The following SIPA1L1 variants were observed in gnomAD, a reference collection of about 807,000 sequenced individuals.
SIPA1L1 encodes the protein signal-induced proliferation-associated 1-like protein 1.
Under a neutral mutation model 162.7 loss-of-function variants are expected in SIPA1L1, and 26 were observed. The observed-to-expected ratio is 0.16, with a 90% CI of 0.12 to 0.22. The LOEUF is 0.22. SIPA1L1 is among the 10% of genes least tolerant of loss of function. SIPA1L1 has a pLI of 1.00. For missense variants in SIPA1L1, 1,874 were observed against 2,241.0 expected (o/e 0.84, Z 3.31); for synonymous variants, 829 against 837.4 (o/e 0.99, Z 0.17).
At chr14:71,522,348 G>C (rs1423509256) in intron 3 of SIPA1L1, among the ~76,000 whole-genome samples, 1 of 152,160 alleles carries the variant, frequency 6.6e-6, no homozygotes, top group African/African-American at 2.4e-5. Context: ...TGGATTCAAG[G>C]ATTGGTGTGT....
At chr14:71,343,443 A>T (rs1246746099) in intron 2 of SIPA1L1, among the ~76,000 whole-genome samples, 1 of 152,170 alleles carries the variant, frequency 6.6e-6, no homozygotes, top group Non-Finnish European at 1.5e-5. Flanking sequence ...AAAATATCTT[A>T]TCAGGAGATG....
chr14:71,511,156 A>T (rs905353493), intron 2 of SIPA1L1, among the ~76,000 whole-genome samples: 2 of 152,208 alleles, frequency 1.3e-5, no homozygotes, highest in Non-Finnish European at 2.9e-5. Context: ...TAAAACTCAC[A>T]GTGTTTCCCA....
intron 10 of SIPA1L1, among the ~76,000 whole-genome samples, chr14:71,668,289 A>AGT (rs1344178633): frequency 6.6e-6 from 1 of 152,142 alleles, no homozygotes; most frequent in East Asian, 1.9e-4. Flanking sequence ...CCTCAGAGGG[A>AGT]GTAAGTGTGG....
intron 10 of SIPA1L1, among the ~76,000 whole-genome samples, chr14:71,665,569 G>A (rs2043925615): frequency 3.3e-5 from 5 of 152,188 alleles, no homozygotes; most frequent in Admixed American, 3.3e-4. Flanking sequence ...GCTGTTAATA[G>A]CGAGTATATA....
rs759084250 is a variant in SIPA1L1, at chr14:71,685,348, C to G, written c.3105-14C>G. ...GTATCCATTGTGTTTCTCCCTGTGCCTTGCCCCTAATAGGAGTTGCTCTGA... is the reference window on the plus strand; with the variant it reads ...GTATCCATTGTGTTTCTCCCTGTGCGTTGCCCCTAATAGGAGTTGCTCTGA... On this transcript the variant is annotated splice_polypyrimidine_tract_variant and intron_variant, in intron 12 of 23. Transcript: ENST00000381232. 11 of 1,613,236 alleles carry G rather than the reference C, an allele frequency of 6.8e-6. No individual in the cohort carries two copies. The highest frequency in any genetic ancestry group is 5.0e-5 in the Admixed American group (3 of 59,988).
chr14:71,393,131 A>G (rs117543783), intron 2 of SIPA1L1, among the ~76,000 whole-genome samples: 1,665 of 152,334 alleles, frequency 0.011, 16 homozygotes, highest in East Asian at 0.021. Context: ...AAATATTCCA[A>G]TAGGATATCG....
At chr14:71,441,022 A>G (rs572593756) in intron 2 of SIPA1L1, among the ~76,000 whole-genome samples, 3 of 152,322 alleles carry the variant, frequency 2.0e-5, no homozygotes, top group South Asian at 4.1e-4. Flanking sequence ...GATTCAGTGT[A>G]AAAAAACAAA....
chr14:71,481,546 G>GGC (rs772496682), intron 2 of SIPA1L1, among the ~76,000 whole-genome samples: 9 of 151,890 alleles, frequency 5.9e-5, no homozygotes, highest in Middle Eastern at 3.2e-3. Context: ...AAAAAAGAGA[G>GGC]GCTAATGATT....
chr14:71,385,009 G>C (rs1195260434), intron 2 of SIPA1L1, among the ~76,000 whole-genome samples: 1 of 152,190 alleles, frequency 6.6e-6, no homozygotes, highest in Admixed American at 6.5e-5. Context: ...AAGGACTCTT[G>C]TAATAAAGGA....
chr14:71,341,375 A>T (rs1304256585), intron 2 of SIPA1L1, among the ~76,000 whole-genome samples: 2 of 152,170 alleles, frequency 1.3e-5, no homozygotes, highest in Non-Finnish European at 2.9e-5. Context: ...TGCAATTGTC[A>T]TCTTGTCCTT....
At chr14:71,354,377 A>C (rs2037030346) in intron 2 of SIPA1L1, among the ~76,000 whole-genome samples, 1 of 150,708 alleles carries the variant, frequency 6.6e-6, no homozygotes, top group Non-Finnish European at 1.5e-5. Context: ...TCCCAGGTTC[A>C]AGTGATTTTC....
intron 2 of SIPA1L1, among the ~76,000 whole-genome samples, chr14:71,412,676 A>G (rs925871899): frequency 2.4e-4 from 36 of 152,140 alleles, no homozygotes; most frequent in African/African-American, 8.0e-4. Flanking sequence ...AGGAATTGGG[A>G]ATATCTGTGA....
chr14:71,336,084 A>G (rs1417920566), intron 2 of SIPA1L1, among the ~76,000 whole-genome samples: 1 of 152,170 alleles, frequency 6.6e-6, no homozygotes, highest in African/African-American at 2.4e-5. Context: ...GGCTTTCCAA[A>G]TTGTCTGATG....
chr14:71,627,122 C>T (rs1416117205), intron 7 of SIPA1L1, among the ~76,000 whole-genome samples: 5 of 117,072 alleles, frequency 4.3e-5, no homozygotes, highest in African/African-American at 9.4e-5. Flanking sequence ...CTTTCTGGGA[C>T]TTTCACTACT....
rs994203597 is a variant in SIPA1L1 at position 71,590,425 on chromosome 14, GTATTTAAAAT to G, written c.1498+1070_1498+1079del. On this transcript the variant is annotated intron_variant, in intron 5 of 23. Coordinates refer to ENST00000381232, the MANE Select transcript of SIPA1L1 (RefSeq NM_001386936.1). ...TTCCACTGTTTTGGGGTTTTGAATG[GTATTTAAAAT>G]TATTTAAAATTATTGAATGGTATTT... Among the ~76,000 whole-genome samples, 7 of 152,116 alleles carry G rather than the reference GTATTTAAAAT, an allele frequency of 4.6e-5. No individual in the cohort carries two copies. The East Asian group carries it at 7.7e-4, about 17-fold the overall frequency.
rs2039520087 is a variant in SIPA1L1 at position 71,377,575 on chromosome 14, G to T, written c.-465+56394G>T. Among the ~76,000 whole-genome samples the T allele has an allele frequency of 6.6e-6, 1 of 152,096 alleles. No homozygotes were observed. Among genetic ancestry groups the T allele is most frequent in the East Asian group, 1.9e-4 (1 of 5,182 alleles). On this transcript the variant is annotated intron_variant, in intron 2 of 23. Coordinates refer to ENST00000381232, the MANE Select transcript of SIPA1L1 (RefSeq NM_001386936.1). This position sits in a 1 kb window ranked among gnomAD's most constrained non-coding sequence, Gnocchi z 4.8. ...ACGCTCCTCACTTCCTACACGGGGT[G>T]GCGGCCGGGCAGAGGCTGCAATCTC... is the stretch of plus-strand genomic sequence containing the variant.
intron 2 of SIPA1L1, among the ~76,000 whole-genome samples, chr14:71,470,355 C>G: frequency 6.6e-6 from 1 of 152,164 alleles, no homozygotes; most frequent in East Asian, 1.9e-4. Context: ...TCTGGACAAC[C>G]TCACTTTTAA....
At chr14:71,516,978 A>G (rs1361534622) in intron 3 of SIPA1L1, among the ~76,000 whole-genome samples, 2 of 152,202 alleles carry the variant, frequency 1.3e-5, no homozygotes, top group African/African-American at 4.8e-5. Flanking sequence ...GTCTCAAACA[A>G]ACAAACAAAA....
At chr14:71,434,923 C>T (rs1022633915) in intron 2 of SIPA1L1, among the ~76,000 whole-genome samples, 6 of 152,214 alleles carry the variant, frequency 3.9e-5, no homozygotes, top group Non-Finnish European at 7.3e-5. Context: ...CAAATGGTAG[C>T]ATACTGTACT....
Sources: gnomAD v4.1 joint callset for allele counts (sites outside exome capture counted in the v4.1 genomes callset) on GRCh38, gnomAD v4.1.1 for gene constraint, Gnocchi (gnomAD v3.1) non-coding constraint, MANE v1.5 for transcripts, NCBI Gene and HGNC (gene_info 2026-07-23, HGNC 2026-07-21) for gene names.